The following SV2C variants were observed in gnomAD, a reference collection of about 807,000 sequenced individuals.
SV2C encodes solute carrier family 22 member B3.
A neutral mutation model predicts 79.7 loss-of-function variants in SV2C; 49 were observed. The observed-to-expected ratio is 0.61, with a 90% CI of 0.49 to 0.78. The LOEUF (loss-of-function observed/expected upper bound fraction) is 0.78, where lower values mean the gene tolerates loss of function less well. Ranked by LOEUF, SV2C falls within the 30% of genes least tolerant of loss-of-function variation. SV2C has a pLI of 0.00. For synonymous variants in SV2C, 334 were observed against 333.2 expected, an observed-to-expected ratio of 1.00 and a Z score of -0.03; for missense variants, 833 against 912.9, an observed-to-expected ratio of 0.91 and a Z score of 1.13.
chr5:76,182,940 T>TGTGA (rs1190295214), intron 2 of SV2C, among the ~76,000 whole-genome samples: 71 of 145,336 alleles, frequency 4.9e-4, no homozygotes, highest in African/African-American at 5.7e-4. Context: ...TGTGTGTATG[T>TGTGA]GAGAGAGAGA....
In SV2C at chr5:76,339,198, C is replaced by A. The variant is rs140844610; in HGVS notation, c.2001-13932C>A. 3.0e-3 allele frequency among the ~76,000 whole-genome samples: 459 copies of A among 152,224 alleles called. 7 individuals are homozygous for A. In the East Asian group the frequency reaches 0.057, roughly 19 times the overall value. On this transcript the variant is annotated intron_variant, in intron 12 of 12. Transcript: ENST00000322285. The stretch of plus-strand genomic sequence containing the variant: ...TCACAATTTACGCATTTTAAAAAAA[C>A]TGATAAATTCACAAATTTTAACAAA...
the SV2C span, among the ~76,000 whole-genome samples, chr5:75,968,966 C>G: frequency 6.6e-6 from 1 of 152,200 alleles, no homozygotes; most frequent in South Asian, 2.1e-4. Context: ...ATCAGACTAA[C>G]AGCTGATCTC....
the SV2C span, among the ~76,000 whole-genome samples, chr5:76,010,432 A>C: frequency 6.6e-6 from 1 of 152,186 alleles, no homozygotes; most frequent in Admixed American, 6.6e-5. Flanking sequence ...TGGATCCTAC[A>C]CAATTTTAGA....
At chr5:76,247,482 A>G (rs1745979249) in intron 4 of SV2C, among the ~76,000 whole-genome samples, 1 of 152,216 alleles carries the variant, frequency 6.6e-6, no homozygotes, top group Non-Finnish European at 1.5e-5. Flanking sequence ...TAGAAAAAAC[A>G]TTGTTTACTG....
At chr5:75,970,758 G>T in the SV2C span, among the ~76,000 whole-genome samples, 1 of 152,204 alleles carries the variant, frequency 6.6e-6, no homozygotes, top group East Asian at 1.9e-4. Flanking sequence ...TGGAGGAACT[G>T]GTACCATTCC....
intron 1 of SV2C, among the ~76,000 whole-genome samples, chr5:76,127,562 A>T (rs1221019777): frequency 6.6e-6 from 1 of 152,190 alleles, no homozygotes; most frequent in African/African-American, 2.4e-5. Context: ...ACAAATATTT[A>T]TCAAGTGGTT....
At chr5:76,071,208 T>G in the SV2C span, among the ~76,000 whole-genome samples, 1 of 152,212 alleles carries the variant, frequency 6.6e-6, no homozygotes, top group Non-Finnish European at 1.5e-5. Flanking sequence ...CTCCTTCCCT[T>G]GGAATTGACA....
At chr5:76,130,809 G>T (rs927072512) in intron 1 of SV2C, among the ~76,000 whole-genome samples, 9 of 152,166 alleles carry the variant, frequency 5.9e-5, no homozygotes, top group Non-Finnish European at 1.0e-4. Flanking sequence ...ATGTGAGAGG[G>T]AGAGAGGGAG....
chr5:76,179,978 A>C (rs1366354969), intron 2 of SV2C, among the ~76,000 whole-genome samples: 1 of 152,156 alleles, frequency 6.6e-6, no homozygotes, highest in African/African-American at 2.4e-5. Context: ...TTTTTAAGAG[A>C]GGGATCTTGG....
At chr5:76,123,355 G>A (rs911304813) in intron 1 of SV2C, among the ~76,000 whole-genome samples, 9 of 152,136 alleles carry the variant, frequency 5.9e-5, no homozygotes, top group Non-Finnish European at 1.2e-4. Flanking sequence ...GAAAAAGAGG[G>A]AATCCTCCCT....
At chr5:76,016,723 A>G in the SV2C span, among the ~76,000 whole-genome samples, 1 of 152,172 alleles carries the variant, frequency 6.6e-6, no homozygotes. Context: ...CATCTGATTC[A>G]ATGTGGACTG....
At chr5:75,859,103 A>G in the SV2C span, among the ~76,000 whole-genome samples, 2 of 150,598 alleles carry the variant, frequency 1.3e-5, no homozygotes, top group Non-Finnish European at 3.0e-5. Flanking sequence ...CCTGATTTTT[A>G]TAATTTTTTT....
At chr5:76,320,644 G>T (rs1748798513) in intron 12 of SV2C, among the ~76,000 whole-genome samples, 1 of 152,170 alleles carries the variant, frequency 6.6e-6, no homozygotes, top group Non-Finnish European at 1.5e-5. Context: ...CCATGGAGGT[G>T]GGGGAGGTGG....
the SV2C span, among the ~76,000 whole-genome samples, chr5:75,908,913 CTT>C: frequency 0.024 from 3,623 of 152,262 alleles, 132 homozygotes; most frequent in African/African-American, 0.079. Flanking sequence ...CATTGAAAAA[CTT>C]TTGATATTCA....
the SV2C span, among the ~76,000 whole-genome samples, chr5:76,062,654 T>C: frequency 2.6e-5 from 4 of 151,948 alleles, no homozygotes. Flanking sequence ...AATTTTCCTA[T>C]GTTTAATTTC....
intron 2 of SV2C, among the ~76,000 whole-genome samples, chr5:76,173,231 C>G (rs905955438): frequency 1.3e-5 from 2 of 149,534 alleles, no homozygotes. Context: ...TTTGGACTTT[C>G]TTTTATTATG....
intron 1 of SV2C, among the ~76,000 whole-genome samples, chr5:76,088,505 G>T (rs192558100): frequency 6.6e-6 from 1 of 152,228 alleles, no homozygotes; most frequent in African/African-American, 2.4e-5. Flanking sequence ...CACGGAAGGA[G>T]CAAGGCACCT....
At chr5:76,183,332 T>C (rs1743812349) in intron 2 of SV2C, among the ~76,000 whole-genome samples, 1 of 151,840 alleles carries the variant, frequency 6.6e-6, no homozygotes, top group African/African-American at 2.4e-5. Flanking sequence ...GCTGAGAACC[T>C]ACCATCTTGA....
the SV2C span, among the ~76,000 whole-genome samples, chr5:76,014,466 A>G: frequency 6.6e-6 from 1 of 152,222 alleles, no homozygotes; most frequent in African/African-American, 2.4e-5. Flanking sequence ...GAAAGAAAAA[A>G]AAATTCTGTT....
Sources: allele counts gnomAD v4.1 joint callset (sites outside exome capture counted in the v4.1 genomes callset), GRCh38; gene constraint gnomAD v4.1.1; transcripts MANE v1.5; gene names NCBI Gene and HGNC (gene_info 2026-07-23, HGNC 2026-07-21).